The following TMEM98 variants were observed in gnomAD, a reference collection of about 807,000 sequenced individuals.
TMEM98 encodes transmembrane protein 98.
Under a neutral mutation model 25.0 loss-of-function variants are expected in TMEM98, and 18 were observed. The ratio of observed to expected loss-of-function variants is 0.72; its 90% CI spans 0.50 to 1.07. The LOEUF (loss-of-function observed/expected upper bound fraction) is 1.07, where lower values mean the gene tolerates loss of function less well. Ranked by LOEUF, TMEM98 falls within the 50% of genes least tolerant of loss-of-function variation. The pLI is 0.00. For missense variants in TMEM98, 241 were observed against 289.0 expected (o/e 0.83, Z 1.20); for synonymous variants, 103 against 112.4 (o/e 0.92, Z 0.53).
chr17:32,939,153 T>C (rs958310371), intron 6 of TMEM98, among the ~76,000 whole-genome samples: 6 of 152,144 alleles, frequency 3.9e-5, no homozygotes, highest in Non-Finnish European at 7.4e-5. Flanking sequence ...GTGCCTGTAA[T>C]CCCAGCACTA....
At chr17:32,933,956 TGAG>T (rs745913612) in intron 4 of TMEM98, among the ~76,000 whole-genome samples, 64 of 152,182 alleles carry the variant, frequency 4.2e-4, no homozygotes, top group Middle Eastern at 3.4e-3. Flanking sequence ...TCTTGAAAGA[TGAG>T]GAGGAGTTCC....
At chr17:32,931,230 A>G (rs1360700601) in intron 1 of TMEM98, 97 bp from the exon 2 acceptor site, 5 of 301,674 alleles carry the variant, frequency 1.7e-5, no homozygotes, top group Non-Finnish European at 2.5e-5. Flanking sequence ...ACAAACAAAC[A>G]AACAAAAAAT....
intron 2 of TMEM98, 29 bp downstream of exon 2, chr17:32,931,431 G>C (rs1163638547): frequency 6.7e-7 from 1 of 1,489,242 alleles, no homozygotes; most frequent in Admixed American, 2.2e-5. Context: ...ACTCTCTTTC[G>C]TGGCTTCTTG....
chr17:32,939,928 A>C (rs1467712218), intron 7 of TMEM98, among the ~76,000 whole-genome samples: 1 of 152,154 alleles, frequency 6.6e-6, no homozygotes, highest in Non-Finnish European at 1.5e-5. Flanking sequence ...GAGCAGTGAG[A>C]ATGGAGGTGA....
intron 4 of TMEM98, among the ~76,000 whole-genome samples, chr17:32,933,933 C>A (rs760596478): frequency 6.6e-6 from 1 of 152,166 alleles, no homozygotes. Context: ...GAGGAGGTGC[C>A]TTTTGACTTG....
intron 5 of TMEM98, among the ~76,000 whole-genome samples, chr17:32,935,450 C>T (rs1037811218): frequency 6.6e-6 from 1 of 152,074 alleles, no homozygotes; most frequent in Non-Finnish European, 1.5e-5. Context: ...TGGAGGGAGT[C>T]ATATTGAATT....
chr17:32,941,455 C>T lies in TMEM98; in HGVS notation c.*462C>T, dbSNP rs2091530795. On this transcript the variant is annotated 3_prime_UTR_variant, in exon 8 of 8. Transcript: ENST00000579849. Reference sequence around the variant, plus strand: ...TTCTTCTTTTGGCAAGACTTGTACTCTCTCACCTGGCCTGTTTCATTTATT... The same window carrying T: ...TTCTTCTTTTGGCAAGACTTGTACTTTCTCACCTGGCCTGTTTCATTTATT... 6.5e-6 allele frequency: 1 copy of T among 154,534 alleles called. No individual in the cohort carries two copies. The highest frequency in any genetic ancestry group is 1.4e-5 in the Non-Finnish European group (1 of 69,520). 9.6% of individuals were successfully genotyped at this position (154,534 alleles called of 1,614,324 possible). A position where few individuals can be genotyped will look rare whatever the true frequency, so the allele number is the denominator to read the frequency against.
chr17:32,935,896 A>T (rs1452384246), intron 5 of TMEM98, among the ~76,000 whole-genome samples: 1 of 152,180 alleles, frequency 6.6e-6, no homozygotes, highest in African/African-American at 2.4e-5. Context: ...CTGTTATTGG[A>T]GCATGTGCTT....
At chr17:32,939,834 T>TC (rs1311587598) in intron 7 of TMEM98, among the ~76,000 whole-genome samples, 1 of 152,098 alleles carries the variant, frequency 6.6e-6, no homozygotes, top group African/African-American at 2.4e-5. Flanking sequence ...TTTTCCCCTT[T>TC]CCCCCTCTGA....
At chr17:32,936,703 C>T (rs2091498467) in intron 6 of TMEM98, among the ~76,000 whole-genome samples, 1 of 152,202 alleles carries the variant, frequency 6.6e-6, no homozygotes, top group Admixed American at 6.5e-5. Flanking sequence ...GGTGCCTAGT[C>T]CTGACCCTGT....
intron 6 of TMEM98, among the ~76,000 whole-genome samples, chr17:32,938,985 T>C (rs2091512752): frequency 6.6e-6 from 1 of 152,230 alleles, no homozygotes; most frequent in Admixed American, 6.5e-5. Context: ...CAAAGTAGTC[T>C]CTGCAAAGAC....
chr17:32,935,420 G>A (rs1177031669), intron 5 of TMEM98, among the ~76,000 whole-genome samples: 1 of 152,214 alleles, frequency 6.6e-6, no homozygotes, highest in East Asian at 1.9e-4. Flanking sequence ...AATGGCACCT[G>A]TGGTGTGAGA....
chr17:32,937,008 T>C (rs2091500122), intron 6 of TMEM98, among the ~76,000 whole-genome samples: 1 of 152,366 alleles, frequency 6.6e-6, no homozygotes, highest in African/African-American at 2.4e-5. Context: ...ACCAGCAGGA[T>C]TGCAGTCAAC....
rs1235813344 is a variant in TMEM98 at position 32,937,684 on chromosome 17, G to A, written c.413+1237G>A. Among the ~76,000 whole-genome samples, 7 of 152,160 alleles carry A rather than the reference G, an allele frequency of 4.6e-5. No homozygotes were observed. In the South Asian group the frequency reaches 6.2e-4, roughly 14 times the overall value. ...TGGCTCACTACAACCCCCACCTACCGGGTTCAAGCGATTCTCCTGCCTCAG... is the reference window on the plus strand; with the variant it reads ...TGGCTCACTACAACCCCCACCTACCAGGTTCAAGCGATTCTCCTGCCTCAG... On this transcript the variant is annotated intron_variant, in intron 6 of 7. Coordinates refer to ENST00000579849, the MANE Select transcript of TMEM98 (RefSeq NM_015544.3).
At position 32,931,657 on chromosome 17, in the gene TMEM98, T is replaced by G; in HGVS notation, c.129T>G (p.Ser43=). Residue 43 remains serine (S), a splice_region_variant and synonymous_variant, in exon 3 of 8, where the codon TCT becomes TCG. Transcript: ENST00000579849. ...RPRDLLQRYD[S]KPIVDLIGAM... Reference sequence around the variant, plus strand: ...GAGACCTGCTGCAGCGCTATGATTCTAAGTGAGTGAGCCTATGGAGGGCAA... The same window carrying G: ...GAGACCTGCTGCAGCGCTATGATTCGAAGTGAGTGAGCCTATGGAGGGCAA... 2 of 1,605,658 alleles carry G rather than the reference T, an allele frequency of 1.2e-6. No individual in the cohort carries two copies. Among genetic ancestry groups the G allele is most frequent in the Non-Finnish European group, 1.7e-6 (2 of 1,176,858 alleles).
Position 32,941,027 on chromosome 17 carries a change from C to T in TMEM98, c.*34C>T, listed in dbSNP as rs753268423. The T allele has an allele frequency of 3.2e-6, 5 of 1,546,964 alleles. No homozygotes were observed. In the Admixed American group the frequency reaches 7.5e-5, roughly 23 times the overall value. On this transcript the variant is annotated 3_prime_UTR_variant, in exon 8 of 8. Transcript: ENST00000579849. ...GGCCAGCAGCTAGCCATGAAGGCCCCTGCCGCCATCCCTGGATGGCTCAGC... is the reference window on the plus strand; with the variant it reads ...GGCCAGCAGCTAGCCATGAAGGCCCTTGCCGCCATCCCTGGATGGCTCAGC...
intron 6 of TMEM98, among the ~76,000 whole-genome samples, chr17:32,937,913 A>G (rs1598203437): frequency 6.6e-6 from 1 of 152,070 alleles, no homozygotes; most frequent in African/African-American, 2.4e-5. Context: ...AGTTTTAAAG[A>G]TTCTGCACTA....
Position 32,931,410 on chromosome 17 carries a change from C to G in TMEM98, c.-55+8C>G. 7.1e-7 allele frequency: 1 copy of G among 1,410,666 alleles called. No homozygotes were observed. The highest frequency in any genetic ancestry group is 9.5e-7 in the Non-Finnish European group (1 of 1,057,708). 87.4% of individuals were successfully genotyped at this position (1,410,666 alleles called of 1,614,324 possible). A position where few individuals can be genotyped will look rare whatever the true frequency, so the allele number is the denominator to read the frequency against. ...ATTTGCCACTTCCAGCAGGTAAGAC[C>G]CACCTGTCCCACTCTCTTTCGTGGC... On this transcript the variant is annotated splice_region_variant and intron_variant, in intron 2 of 7. Transcript: ENST00000579849.
chr17:32,933,862 G>A (rs2091482295), intron 4 of TMEM98, among the ~76,000 whole-genome samples: 1 of 152,192 alleles, frequency 6.6e-6, no homozygotes, highest in Non-Finnish European at 1.5e-5. Context: ...ACATGGAGAA[G>A]GCAGTGTCTA....
Sources: gnomAD v4.1 joint callset for allele counts (sites outside exome capture counted in the v4.1 genomes callset) on GRCh38, gnomAD v4.1.1 for gene constraint, MANE v1.5 for transcripts, NCBI Gene and HGNC (gene_info 2026-07-23, HGNC 2026-07-21) for gene names.